The following TNS3 variants were observed in gnomAD, a reference collection of about 807,000 sequenced individuals.
TNS3 encodes tensin 3, also known as tensin-3.
Under a neutral mutation model 140.9 loss-of-function variants are expected in TNS3, and 45 were observed. The observed-to-expected ratio is 0.32, with a 90% CI of 0.25 to 0.41. The LOEUF is 0.41. Among genes scored for constraint, TNS3 ranks in the 10% least tolerant of loss-of-function variants. TNS3 has a pLI of 1.00. For missense variants in TNS3, 1,716 were observed against 1,906.7 expected (o/e 0.90, Z 1.86); for synonymous variants, 815 against 788.4 (o/e 1.03, Z -0.56).
At chr7:47,410,724 G>T (rs907157104) in intron 13 of TNS3, among the ~76,000 whole-genome samples, 2 of 152,172 alleles carry the variant, frequency 1.3e-5, no homozygotes, top group African/African-American at 4.8e-5. Context: ...ACAATGAAAA[G>T]CTATTTCTCG....
intron 4 of TNS3, among the ~76,000 whole-genome samples, chr7:47,474,355 C>T (rs1005068006): frequency 5.4e-5 from 8 of 149,266 alleles, no homozygotes; most frequent in African/African-American, 2.0e-4. Context: ...CCTCACAACA[C>T]ACACAAAACA....
At chr7:47,380,323 C>T (rs1252182205) in intron 16 of TNS3, among the ~76,000 whole-genome samples, 1 of 152,236 alleles carries the variant, frequency 6.6e-6, no homozygotes, top group Non-Finnish European at 1.5e-5. Flanking sequence ...CTTTTGGGCA[C>T]TCCTAACTGA....
intron 4 of TNS3, among the ~76,000 whole-genome samples, chr7:47,465,470 A>G (rs1253136049): frequency 6.6e-6 from 1 of 152,144 alleles, no homozygotes; most frequent in East Asian, 1.9e-4. Flanking sequence ...TGAAGTAGAG[A>G]CACGCGGATC....
intron 16 of TNS3, among the ~76,000 whole-genome samples, chr7:47,384,103 C>A (rs1791934099): frequency 6.6e-6 from 1 of 152,232 alleles, no homozygotes; most frequent in Non-Finnish European, 1.5e-5. Context: ...CCCACTGTCT[C>A]CACCGTTTGC....
intron 4 of TNS3, among the ~76,000 whole-genome samples, chr7:47,471,519 C>T (rs1385502355): frequency 6.6e-6 from 1 of 152,238 alleles, no homozygotes; most frequent in African/African-American, 2.4e-5. Flanking sequence ...CTCCAGGGCA[C>T]CCGCGGGCCC....
chr7:47,320,652 A>G (rs956297400), intron 20 of TNS3, among the ~76,000 whole-genome samples: 1 of 152,158 alleles, frequency 6.6e-6, no homozygotes, highest in Non-Finnish European at 1.5e-5. Context: ...GACACAAGTC[A>G]TGTTGGATGA....
At chr7:47,284,767 T>C (rs777151843) in intron 27 of TNS3, among the ~76,000 whole-genome samples, 5 of 152,220 alleles carry the variant, frequency 3.3e-5, no homozygotes, top group Non-Finnish European at 7.3e-5. Context: ...CTTAATTCCG[T>C]GGTTAAAGGC....
chr7:47,578,194 T>C (rs1800718809), intron 1 of TNS3, among the ~76,000 whole-genome samples: 3 of 151,840 alleles, frequency 2.0e-5, no homozygotes, highest in Non-Finnish European at 2.9e-5. Flanking sequence ...GCGCCTGTAA[T>C]CCCAGCTACT....
At chr7:47,438,360 C>T (rs949379786) in intron 6 of TNS3, among the ~76,000 whole-genome samples, 6 of 152,130 alleles carry the variant, frequency 3.9e-5, no homozygotes, top group Non-Finnish European at 8.8e-5. Flanking sequence ...GGAAGGGGGA[C>T]TGGGGAAGAG....
chr7:47,547,461 C>G (rs1325164241), intron 1 of TNS3, among the ~76,000 whole-genome samples: 1 of 152,104 alleles, frequency 6.6e-6, no homozygotes, highest in Non-Finnish European at 1.5e-5. Flanking sequence ...GCGGCACACA[C>G]TGGACACGAA....
chr7:47,492,765 T>A (rs910504628), intron 3 of TNS3, among the ~76,000 whole-genome samples: 1 of 152,108 alleles, frequency 6.6e-6, no homozygotes, highest in African/African-American at 2.4e-5. Flanking sequence ...AAATGAGGGG[T>A]GGGCCCCACA....
In TNS3 at chr7:47,407,201, G is replaced by C. The variant is rs1237069137; in HGVS notation, c.723+4526C>G. Among the ~76,000 whole-genome samples, 1 of 152,168 alleles carries C rather than the reference G, an allele frequency of 6.6e-6. No homozygotes were observed. Among genetic ancestry groups the C allele is most frequent in the Admixed American group, 6.5e-5 (1 of 15,280 alleles). ...CACTCCCGACTCTGATGGGAGTGCT[G>C]GCAGTGACACCCTGGGTTTCTACTC... On this transcript the variant is annotated intron_variant, in intron 13 of 30. Transcript: ENST00000311160. The surrounding 1 kb of genome is among the most constrained non-coding windows in gnomAD (Gnocchi z 4.1).
chr7:47,524,512 G>A (rs1799106116), intron 2 of TNS3, among the ~76,000 whole-genome samples: 1 of 152,188 alleles, frequency 6.6e-6, no homozygotes, highest in South Asian at 2.1e-4. Flanking sequence ...CTTAAAAAAG[G>A]CAATGGGAGG....
intron 1 of TNS3, among the ~76,000 whole-genome samples, chr7:47,558,222 G>A (rs1198358351): frequency 7.2e-5 from 11 of 152,286 alleles, no homozygotes; most frequent in East Asian, 3.9e-4. Flanking sequence ...GGTATTTGCC[G>A]TCCTGATAAG....
At chr7:47,437,545 G>T (rs1795245177) in intron 6 of TNS3, among the ~76,000 whole-genome samples, 1 of 151,186 alleles carries the variant, frequency 6.6e-6, no homozygotes, top group South Asian at 2.1e-4. Context: ...AGGTACCGAG[G>T]ATCAGAAAAG....
At chr7:47,357,859 A>G (rs890862593) in intron 17 of TNS3, among the ~76,000 whole-genome samples, 3 of 152,238 alleles carry the variant, frequency 2.0e-5, no homozygotes, top group Admixed American at 1.3e-4. Flanking sequence ...CTAAAAAGGC[A>G]TATTTAAAAG....
chr7:47,334,664 G>A (rs1205753016), intron 20 of TNS3, among the ~76,000 whole-genome samples: 1 of 143,024 alleles, frequency 7.0e-6, no homozygotes, highest in Non-Finnish European at 1.5e-5. Flanking sequence ...CAGTACAGTG[G>A]TGCGATCTCG....
At chr7:47,577,614 C>T (rs552032899) in intron 1 of TNS3, among the ~76,000 whole-genome samples, 2 of 152,314 alleles carry the variant, frequency 1.3e-5, no homozygotes, top group African/African-American at 4.8e-5. Context: ...ACACAAGTTA[C>T]TTGAGCTCGC....
intron 8 of TNS3, among the ~76,000 whole-genome samples, chr7:47,428,977 G>A (rs1794797139): frequency 6.6e-6 from 1 of 152,148 alleles, no homozygotes; most frequent in Non-Finnish European, 1.5e-5. Flanking sequence ...AGCAACACCA[G>A]CAGGAGAAGC....
Sources: allele counts gnomAD v4.1 joint callset (sites outside exome capture counted in the v4.1 genomes callset), GRCh38; gene constraint gnomAD v4.1.1; non-coding constraint Gnocchi (gnomAD v3.1); transcripts MANE v1.5; gene names NCBI Gene and HGNC (gene_info 2026-07-23, HGNC 2026-07-21).